Variants in SMIM12 observed in about 807,000 individuals in gnomAD.
The protein encoded by SMIM12 is UPF0767 protein C1orf212.
In SMIM12, 5 loss-of-function variants were observed where a neutral mutation model predicts 6.3. The observed-to-expected ratio is 0.80, with a 90% CI of 0.42 to 1.68. The LOEUF (loss-of-function observed/expected upper bound fraction) is 1.68. Among genes scored for constraint, SMIM12 ranks in the 40% most tolerant of loss-of-function variants. The probability of loss-of-function intolerance (pLI) is 0.02; values close to 1 mark genes in which losing one functional copy is unlikely to be tolerated. For missense variants in SMIM12, 103 were observed against 121.4 expected, an observed-to-expected ratio of 0.85 and a Z score of 0.71; for synonymous variants, 51 against 48.0, an observed-to-expected ratio of 1.06 and a Z score of -0.26.
chr1:34,857,820 G>T (rs572915394), intron 1 of SMIM12: 1 of 152,290 alleles, frequency 6.6e-6, no homozygotes, highest in East Asian at 1.9e-4. Context: ...GGTTGGAGAG[G>T]GATGGTTTCG....
Position 34,855,702 on chromosome 1 carries a change from ATTC to A in SMIM12, c.273_275del (p.Lys91del). Reference sequence around the variant, plus strand: ...CCATAGGGCCCTGTGTCCTCCATTAATTCTTCTCTGGGCGGTTTCTGTTCAGCA... The same window carrying A: ...CCATAGGGCCCTGTGTCCTCCATTAATTCTCTGGGCGGTTTCTGTTCAGCA... On this transcript the variant is annotated inframe_deletion, in exon 2 of 2. Transcript: ENST00000521580. 6.2e-7 allele frequency: 1 copy of A among 1,613,070 alleles called. No homozygotes were observed. Among genetic ancestry groups the A allele is most frequent in the Non-Finnish European group, 8.5e-7 (1 of 1,179,098 alleles).
chr1:34,857,946 T>C (rs1638704867), intron 1 of SMIM12: 1 of 152,194 alleles, frequency 6.6e-6, no homozygotes, highest in South Asian at 2.1e-4. Flanking sequence ...GAGAATCTAA[T>C]GCCGCTGCTG....
intron 1 of SMIM12, chr1:34,858,799 T>G (rs1638730111): frequency 6.6e-6 from 1 of 152,212 alleles, no homozygotes; most frequent in South Asian, 2.1e-4. Flanking sequence ...TATTCGACAC[T>G]TATAACCACT....
intron 1 of SMIM12, chr1:34,859,023 C>T (rs1054509216): frequency 6.6e-6 from 1 of 152,232 alleles, no homozygotes; most frequent in Non-Finnish European, 1.5e-5. Flanking sequence ...ACATCCTCCA[C>T]CCACTCTCCC....
rs190181378 is a variant in SMIM12 at position 34,850,520 on chromosome 1, C to T, written c.*5179G>A. Among the ~76,000 whole-genome samples the T allele has an allele frequency of 1.7e-4, 26 of 152,214 alleles. No individual in the cohort carries two copies. In the East Asian group the frequency reaches 4.4e-3, roughly 26 times the overall value. The stretch of plus-strand genomic sequence containing the variant: ...TCTACTTAGCAAATACTATAAAATA[C>T]GCTCTGTACAGGAAAGAAATAATAG... On this transcript the variant is annotated 3_prime_UTR_variant, in exon 2 of 2. Transcript: ENST00000521580.
chr1:34,856,325 G>C (rs956698771), intron 1 of SMIM12, among the ~76,000 whole-genome samples: 4 of 151,706 alleles, frequency 2.6e-5, no homozygotes, highest in African/African-American at 9.7e-5. Flanking sequence ...CTCCCAAAGT[G>C]CTGGAATTAC....
chr1:34,855,266 C>A lies in SMIM12; in HGVS notation c.*433G>T, dbSNP rs775023685. 2.9e-6 allele frequency: 4 copies of A among 1,372,488 alleles called. No homozygotes were observed. Among genetic ancestry groups the A allele is most frequent in the South Asian group, 1.1e-5 (1 of 88,096 alleles). 85.0% of individuals were successfully genotyped at this position (1,372,488 alleles called of 1,614,324 possible). ...GTAAGAATGAGCACAAAGGATAGGGCAAAATAGTGAAGGGAGCCAGGTGCA... is the reference window on the plus strand; with the variant it reads ...GTAAGAATGAGCACAAAGGATAGGGAAAAATAGTGAAGGGAGCCAGGTGCA... On this transcript the variant is annotated 3_prime_UTR_variant, in exon 2 of 2. Transcript: ENST00000521580.
Position 34,855,911 on chromosome 1 carries a change from C to A in SMIM12, c.67G>T (p.Val23Leu), listed in dbSNP as rs746796830. The part of the protein sequence containing the change: ...APYVTFPVAF[V>L]VGAVGYHLEW... ...AGGTGGTAACCCACAGCCCCGACCA[C>A]GAAGGCAACAGGGAATGTGACATAA... Residue 23 changes from valine (V) to leucine (L), a missense_variant, in exon 2 of 2, where the codon GTG becomes TTG. Transcript: ENST00000521580. 1 of 1,551,538 alleles carries A rather than the reference C, an allele frequency of 6.4e-7. No homozygotes were observed. The highest frequency in any genetic ancestry group is 1.4e-5 in the African/African-American group (1 of 73,010).
rs144414233 is a variant in SMIM12, at chr1:34,855,534, G to A, written c.*165C>T. On this transcript the variant is annotated 3_prime_UTR_variant, in exon 2 of 2. Transcript: ENST00000521580. ...TCACTGGCCCCTCGGCTGCTGCTGG[G>A]TCTGCCTGGCCATCAAGGAGCAGCC... The A allele has an allele frequency of 1.5e-5, 24 of 1,612,184 alleles. No homozygotes were observed. Among genetic ancestry groups the A allele is most frequent in the Admixed American group, 3.3e-5 (2 of 59,958 alleles).
At position 34,855,756 on chromosome 1, in the gene SMIM12, G is replaced by A. The variant is rs1638630312; in HGVS notation, c.222C>T (p.Asp74=). 6.3e-7 allele frequency: 1 copy of A among 1,586,964 alleles called. No homozygotes were observed. The highest frequency in any genetic ancestry group is 8.6e-7 in the Non-Finnish European group (1 of 1,165,948). Residue 74 remains aspartate, a synonymous_variant, in exon 2 of 2, where the codon GAC becomes GAT. Coordinates refer to ENST00000521580, the MANE Select transcript of SMIM12 (RefSeq NM_138428.6). ...KDHTQVVSLK[D]KLEFAPKAVL... ...CAGCTTTCGGGGCAAATTCTAGCTT[G>A]TCCTTAAGGCTCACCACCTGCGTGT...
In SMIM12 at chr1:34,850,449, G is replaced by A. The variant is rs3012; in HGVS notation, c.*5250C>T. Among the ~76,000 whole-genome samples the A allele has an allele frequency of 0.43, 65,773 of 151,888 alleles. 16,714 individuals carry two copies. Among genetic ancestry groups the A allele is most frequent in the African/African-American group, 0.71 (29,456 of 41,390 alleles). ...GGAACAGGATGAAAACTGATACACC[G>A]GTTACTAATTACTCTTCACTCTTCA... On this transcript the variant is annotated 3_prime_UTR_variant, in exon 2 of 2. Coordinates refer to ENST00000521580, the MANE Select transcript of SMIM12 (RefSeq NM_138428.6).
intron 1 of SMIM12, chr1:34,858,228 T>A (rs1557437109): frequency 6.6e-6 from 1 of 152,158 alleles, no homozygotes; most frequent in Non-Finnish European, 1.5e-5. Flanking sequence ...AACACCTCTA[T>A]GATGTAGGAA....
In SMIM12 at chr1:34,855,094, G is replaced by A. The variant is rs1271086161; in HGVS notation, c.*605C>T. The A allele has an allele frequency of 3.0e-6, 4 of 1,312,128 alleles. No individual in the cohort carries two copies. The highest frequency in any genetic ancestry group is 4.4e-5 in the Admixed American group (2 of 45,452). 81.3% of individuals were successfully genotyped at this position (1,312,128 alleles called of 1,614,324 possible). A position where few individuals can be genotyped will look rare whatever the true frequency, so the allele number is the denominator to read the frequency against. On this transcript the variant is annotated 3_prime_UTR_variant, in exon 2 of 2. Transcript: ENST00000521580. ...TCAGGTTTTTCACTATACAGTGATG[G>A]GGGTAGAAGATGGTGACTGTTTTCA... is the stretch of plus-strand genomic sequence containing the variant.
chr1:34,855,734 C>G lies in SMIM12; in HGVS notation c.244G>C (p.Ala82Pro), dbSNP rs935540185. The stretch of plus-strand genomic sequence containing the variant: ...TCTGGGCGGTTTCTGTTCAGCACAG[C>G]TTTCGGGGCAAATTCTAGCTTGTCC... ...LKDKLEFAPK[A>P]VLNRNRPEKN The change falls in exon 2 of 2, where the codon GCT becomes CCT. Residue 82 changes from alanine (A) to proline (P), a missense_variant. By Grantham distance (27) the Ala-to-Pro change is conservative (BLOSUM62 -1). Coordinates refer to ENST00000521580, the MANE Select transcript of SMIM12 (RefSeq NM_138428.6). The G allele has an allele frequency of 1.2e-6, 2 of 1,606,162 alleles. No homozygotes were observed. Among genetic ancestry groups the G allele is most frequent in the Non-Finnish European group, 1.7e-6 (2 of 1,175,682 alleles).
At position 34,859,708 on chromosome 1, in the gene SMIM12, CCCCGCTCTCCG is replaced by C. The variant is rs1186747924; in HGVS notation, c.-48_-38del. 1 of 152,390 alleles carries C rather than the reference CCCCGCTCTCCG, an allele frequency of 6.6e-6. No individual in the cohort carries two copies. The highest frequency in any genetic ancestry group is 2.4e-5 in the African/African-American group (1 of 41,452). 9.4% of individuals were successfully genotyped at this position (152,390 alleles called of 1,614,324 possible). A position where few individuals can be genotyped will look rare whatever the true frequency, so the allele number is the denominator to read the frequency against. On this transcript the variant is annotated 5_prime_UTR_variant, in exon 1 of 2. Coordinates refer to ENST00000521580, the MANE Select transcript of SMIM12 (RefSeq NM_138428.6). ...CCCAGCCCACACTCCCCAGTGCGGC[CCCCGCTCTCCG>C]CCCGCTCGCCGGGAGCACGGAAGTC...
In SMIM12 at chr1:34,855,723, G is replaced by A; in HGVS notation, c.255C>T (p.Asn85=). 1 of 1,611,542 alleles carries A rather than the reference G, an allele frequency of 6.2e-7. No homozygotes were observed. Among genetic ancestry groups the A allele is most frequent in the Non-Finnish European group, 8.5e-7 (1 of 1,178,560 alleles). The change falls in exon 2 of 2, where the codon AAC becomes AAT. Residue 85 remains asparagine (N), a synonymous_variant. Coordinates refer to ENST00000521580, the MANE Select transcript of SMIM12 (RefSeq NM_138428.6). ...ATTAATTCTTCTCTGGGCGGTTTCT[G>A]TTCAGCACAGCTTTCGGGGCAAATT... The part of the protein sequence containing the change: ...KLEFAPKAVL[N]RNRPEKN
At chr1:34,857,734 C>T (rs1048422449) in intron 1 of SMIM12, 1 of 152,236 alleles carries the variant, frequency 6.6e-6, no homozygotes, top group South Asian at 2.1e-4. Flanking sequence ...AGACGTAACA[C>T]TATAAGGCAG....
chr1:34,852,573 G>A lies in SMIM12; in HGVS notation c.*3126C>T, dbSNP rs1638486002. 1 of 151,360 alleles carries A rather than the reference G, an allele frequency of 6.6e-6. No homozygotes were observed. The allele number at this position is 151,360 out of a possible 1,614,324, so 9.4% of individuals were successfully genotyped here. ...TGGGTCAAATTAACCCCACGGGTAT[G>A]ATAGCATGCTTAGAATTTTGTATAA... On this transcript the variant is annotated 3_prime_UTR_variant, in exon 2 of 2. Coordinates refer to ENST00000521580, the MANE Select transcript of SMIM12 (RefSeq NM_138428.6).
intron 1 of SMIM12, chr1:34,857,080 C>G (rs561319104): frequency 1.4e-5 from 2 of 147,986 alleles, no homozygotes; most frequent in African/African-American, 2.5e-5. Context: ...GGCGGCAGAA[C>G]GAAACTCCGT....
Sources: allele counts gnomAD v4.1 joint callset (sites outside exome capture counted in the v4.1 genomes callset), GRCh38; gene constraint gnomAD v4.1.1; transcripts MANE v1.5; gene names NCBI Gene and HGNC (gene_info 2026-07-23, HGNC 2026-07-21).